GRAMD2A: variants seen among roughly 807,000 people sequenced by gnomAD.
The protein encoded by GRAMD2A is GRAM domain-containing protein 2A.
A neutral mutation model predicts 51.1 loss-of-function variants in GRAMD2A; 37 were observed. That is an observed-to-expected ratio of 0.72 (90% CI 0.56 to 0.95). The LOEUF is 0.95. Ranked by LOEUF, GRAMD2A falls within the 40% of genes least tolerant of loss-of-function variation. GRAMD2A has a pLI of 0.00. For missense variants in GRAMD2A, 414 were observed against 426.9 expected (o/e 0.97, Z 0.27); for synonymous variants, 136 against 157.1 (o/e 0.87, Z 1.01).
In GRAMD2A at chr15:72,182,182, T is replaced by C. The variant is rs143300621; in HGVS notation, c.42-12243A>G. 6.6e-3 allele frequency among the ~76,000 whole-genome samples: 999 copies of C among 151,968 alleles called. 8 individuals are homozygous for C. Among genetic ancestry groups the C allele is most frequent in the African/African-American group, 0.022 (930 of 41,460 alleles). ...GAGTTTGAGACTAGCCTGGCCAACATGGTGAAACCCTGTCTCTACTAAAAA... is the reference window on the plus strand; with the variant it reads ...GAGTTTGAGACTAGCCTGGCCAACACGGTGAAACCCTGTCTCTACTAAAAA... On this transcript the variant is annotated intron_variant, in intron 1 of 11. Transcript: ENST00000309731.
chr15:72,182,882 C>A (rs1276945013), intron 1 of GRAMD2A, among the ~76,000 whole-genome samples: 1 of 152,150 alleles, frequency 6.6e-6, no homozygotes, highest in Non-Finnish European at 1.5e-5. Context: ...CGTGAATATA[C>A]TTAACACTAC....
chr15:72,168,370 G>A, intron 4 of GRAMD2A, 121 bp downstream of exon 4: 1 of 742,454 alleles, frequency 1.3e-6, no homozygotes, highest in Non-Finnish European at 2.5e-6. Flanking sequence ...CTAGGGGAGT[G>A]GTCCACATCT....
intron 1 of GRAMD2A, among the ~76,000 whole-genome samples, chr15:72,175,450 G>A (rs748356724): frequency 7.2e-5 from 11 of 152,090 alleles, no homozygotes; most frequent in Non-Finnish European, 1.5e-4. Flanking sequence ...CAGCCTCATC[G>A]CCCGTCATTC....
rs777704880 is a variant in GRAMD2A at position 72,166,638 on chromosome 15, G to A, written c.537C>T (p.His179=). Residue 179 remains histidine, a synonymous_variant, in exon 7 of 12, where the codon CAC becomes CAT. Transcript: ENST00000309731. This position sits in a 1 kb window ranked among gnomAD's most constrained non-coding sequence, Gnocchi z 4.1. ...CTGCTCCCAAGCTCCATACCTGTAG[G>A]TGGGTGCAGACTCTCCTCAGCAGGT... ...VYDLLRRVCT[H]LQPSSKKSLS... 1.2e-6 allele frequency: 2 copies of A among 1,612,994 alleles called. No homozygotes were observed. The highest frequency in any genetic ancestry group is 2.2e-5 in the South Asian group (2 of 91,058).
rs2081604713 is a variant in GRAMD2A, at chr15:72,170,969, C to A, written c.42-1030G>T. 6.6e-6 allele frequency among the ~76,000 whole-genome samples: 1 copy of A among 152,232 alleles called. No individual in the cohort carries two copies. The highest frequency in any genetic ancestry group is 2.1e-4 in the South Asian group (1 of 4,832). ...CAGAGTTTTCGCCTCAGCCCAAGATCTGCCAGGACCCTCAGAGATTGATTC... is the reference window on the plus strand; with the variant it reads ...CAGAGTTTTCGCCTCAGCCCAAGATATGCCAGGACCCTCAGAGATTGATTC... On this transcript the variant is annotated intron_variant, in intron 1 of 11. Coordinates refer to ENST00000309731, the MANE Select transcript of GRAMD2A (RefSeq NM_001012642.3). This position sits in a 1 kb window ranked among gnomAD's most constrained non-coding sequence, Gnocchi z 4.5.
At chr15:72,162,192 G>T (rs1596672496) in intron 11 of GRAMD2A, 81 bp downstream of exon 11, 2 of 1,374,806 alleles carry the variant, frequency 1.5e-6, no homozygotes, top group East Asian at 2.3e-5. Context: ...ACCAAGTCCA[G>T]CCAGGCAGCC....
chr15:72,188,100 A>G (rs570443525), intron 1 of GRAMD2A, among the ~76,000 whole-genome samples: 2 of 152,274 alleles, frequency 1.3e-5, no homozygotes, highest in East Asian at 1.9e-4. Flanking sequence ...GCACTTTGGG[A>G]GGCCAAAGCA....
intron 1 of GRAMD2A, among the ~76,000 whole-genome samples, chr15:72,189,965 G>A (rs1012576038): frequency 1.3e-5 from 2 of 152,144 alleles, no homozygotes; most frequent in Admixed American, 6.6e-5. Context: ...ATAAATATTC[G>A]AGTGGGTGGG....
chr15:72,197,593 G>T, intron 1 of GRAMD2A, 138 bp downstream of exon 1: 1 of 623,070 alleles, frequency 1.6e-6, no homozygotes, highest in Non-Finnish European at 2.2e-6. Flanking sequence ...GCATTCCGGC[G>T]GCCGGGAAGT....
chr15:72,190,883 G>A (rs1377351023), intron 1 of GRAMD2A, among the ~76,000 whole-genome samples: 1 of 152,078 alleles, frequency 6.6e-6, no homozygotes, highest in Non-Finnish European at 1.5e-5. Context: ...CCGGATCTGA[G>A]GAAATGCAAA....
At chr15:72,163,110 G>A (rs968385315) in intron 10 of GRAMD2A, among the ~76,000 whole-genome samples, 156 bp downstream of exon 10, 9 of 152,144 alleles carry the variant, frequency 5.9e-5, no homozygotes, top group Admixed American at 2.0e-4. Context: ...ACAGAAGGGC[G>A]TGCCACATGG....
intron 1 of GRAMD2A, among the ~76,000 whole-genome samples, chr15:72,172,397 G>T (rs2081619661): frequency 6.6e-6 from 1 of 151,082 alleles, no homozygotes; most frequent in Non-Finnish European, 1.5e-5. Context: ...GGGATTACAG[G>T]TGTGAGCCAC....
chr15:72,172,315 G>A (rs537389023), intron 1 of GRAMD2A, among the ~76,000 whole-genome samples: 1 of 151,668 alleles, frequency 6.6e-6, no homozygotes, highest in Non-Finnish European at 1.5e-5. Context: ...GACAGCGGGG[G>A]TCTCACTGTG....
At chr15:72,177,536 A>G (rs151032777) in intron 1 of GRAMD2A, among the ~76,000 whole-genome samples, 252 of 152,330 alleles carry the variant, frequency 1.7e-3, no homozygotes, top group African/African-American at 5.4e-3. Context: ...TCAGCAATGC[A>G]TTTGAAATAT....
chr15:72,162,132 C>A, intron 11 of GRAMD2A, 120 bp from the exon 12 acceptor site: 1 of 1,386,930 alleles, frequency 7.2e-7, no homozygotes, highest in Non-Finnish European at 1.0e-6. Context: ...ACTGGTGTAC[C>A]CTGCACGCTG....
Position 72,166,817 on chromosome 15 carries a change from C to G in GRAMD2A, c.472-114G>C. 1 of 1,007,210 alleles carries G rather than the reference C, an allele frequency of 9.9e-7. No individual in the cohort carries two copies. 62.4% of individuals were successfully genotyped at this position (1,007,210 alleles called of 1,614,324 possible). A position where few individuals can be genotyped will look rare whatever the true frequency, so the allele number is the denominator to read the frequency against. The stretch of plus-strand genomic sequence containing the variant: ...CCACAGGGGTATCAGGCCATGAGAG[C>G]CAACAGAAGCTCTGCCTAGGAACTT... On this transcript the variant is annotated intron_variant, in intron 6 of 11. Transcript: ENST00000309731. The surrounding 1 kb of genome is among the most constrained non-coding windows in gnomAD (Gnocchi z 4.1).
intron 1 of GRAMD2A, among the ~76,000 whole-genome samples, chr15:72,182,405 A>C (rs1596694651): frequency 6.6e-6 from 1 of 151,600 alleles, no homozygotes; most frequent in Non-Finnish European, 1.5e-5. Context: ...TGCTAAAACT[A>C]TGAAACTCTT....
intron 1 of GRAMD2A, among the ~76,000 whole-genome samples, chr15:72,188,904 G>C (rs531908128): frequency 6.6e-6 from 1 of 152,254 alleles, no homozygotes; most frequent in South Asian, 2.1e-4. Context: ...GGCTGGTCTC[G>C]AACTGTTGAC....
chr15:72,179,119 T>G (rs928558883), intron 1 of GRAMD2A, among the ~76,000 whole-genome samples: 2 of 152,182 alleles, frequency 1.3e-5, no homozygotes, highest in Non-Finnish European at 2.9e-5. Flanking sequence ...GGAAGGGTTC[T>G]GAGAACACCC....
Sources: gnomAD v4.1 joint callset for allele counts (sites outside exome capture counted in the v4.1 genomes callset) on GRCh38, gnomAD v4.1.1 for gene constraint, Gnocchi (gnomAD v3.1) non-coding constraint, MANE v1.5 for transcripts, NCBI Gene and HGNC (gene_info 2026-07-23, HGNC 2026-07-21) for gene names.